The following OR51B5 variants were observed in gnomAD, a reference collection of about 807,000 sequenced individuals.
OR51B5 encodes the protein olfactory receptor family 51 subfamily B member 5.
For missense variants in OR51B5, 456 were observed against 374.6 expected (o/e 1.22, Z -1.79); for synonymous variants, 186 against 144.8 (o/e 1.28, Z -2.04).
intron 1 of OR51B5, among the ~76,000 whole-genome samples, chr11:5,376,560 C>CG (rs1363756329): frequency 6.6e-6 from 1 of 151,888 alleles, no homozygotes; most frequent in East Asian, 1.9e-4. Flanking sequence ...ACTGATAGAC[C>CG]GCTAGCAAGA....
At chr11:5,476,392 T>C (rs1304871855) in intron 1 of OR51B5, among the ~76,000 whole-genome samples, 1 of 152,192 alleles carries the variant, frequency 6.6e-6, no homozygotes, top group Non-Finnish European at 1.5e-5. Context: ...TCTTAGCTGT[T>C]ATGCTGTATG....
At chr11:5,444,221 T>A (rs1251893125) in intron 1 of OR51B5, among the ~76,000 whole-genome samples, 1 of 147,490 alleles carries the variant, frequency 6.8e-6, no homozygotes, top group African/African-American at 2.5e-5. Flanking sequence ...CAGCTAAGAT[T>A]GACAACTACA....
chr11:5,503,776 C>T (rs145289174), intron 1 of OR51B5, among the ~76,000 whole-genome samples: 16 of 151,770 alleles, frequency 1.1e-4, no homozygotes, highest in African/African-American at 3.4e-4. Context: ...TCGCAGGACT[C>T]GGGGGTAAAA....
chr11:5,352,516 T>C (rs2133688848), intron 1 of OR51B5: 1 of 941,302 alleles, frequency 1.1e-6, no homozygotes, highest in Non-Finnish European at 1.6e-6. Context: ...CCAGCATAAG[T>C]AACTAGGGAA....
intron 1 of OR51B5, chr11:5,430,917 G>A (rs553448284): frequency 2.2e-6 from 1 of 457,032 alleles, no homozygotes; most frequent in Admixed American, 2.3e-5. Context: ...CAGAAGCAAT[G>A]CCCATCACTG....
At chr11:5,405,843 A>C (rs1004568360) in intron 1 of OR51B5, among the ~76,000 whole-genome samples, 18 of 152,180 alleles carry the variant, frequency 1.2e-4, no homozygotes, top group African/African-American at 4.3e-4. Flanking sequence ...GTTGTCTATA[A>C]CCATACCCTA....
At chr11:5,430,796 C>T (rs1481861781) in intron 1 of OR51B5, 5 of 457,192 alleles carry the variant, frequency 1.1e-5, no homozygotes, top group Non-Finnish European at 2.2e-5. Context: ...ATGGGAGAAG[C>T]ATGTTTGGCA....
In OR51B5 at chr11:5,390,098, C is replaced by G. The variant is rs763543707; in HGVS notation, n.85-43188G>C. 6 of 1,613,670 alleles carry G rather than the reference C, an allele frequency of 3.7e-6. No homozygotes were observed. The Admixed American group carries it at 1.0e-4, about 27-fold the overall frequency. On this transcript the variant is annotated intron_variant and non_coding_transcript_variant, in intron 1 of 4. Coordinates refer to the OR51B5 transcript ENST00000415970. ...CATCGCACTGTCCTATGGACTCATC[C>G]TGCACACAGTAGCAGGCCTGGCCTC...
At chr11:5,382,547 C>A (rs566247616) in intron 1 of OR51B5, among the ~76,000 whole-genome samples, 1 of 152,170 alleles carries the variant, frequency 6.6e-6, no homozygotes, top group Non-Finnish European at 1.5e-5. Flanking sequence ...CTGTCCTTGG[C>A]TAGGATCCCA....
In OR51B5 at chr11:5,366,935, T is replaced by G. The variant is rs567395034; in HGVS notation, n.85-20025A>C. 9.2e-5 allele frequency among the ~76,000 whole-genome samples: 14 copies of G among 152,330 alleles called. No homozygotes were observed. In the East Asian group the frequency reaches 2.7e-3, roughly 29 times the overall value. On this transcript the variant is annotated intron_variant and non_coding_transcript_variant, in intron 1 of 4. Coordinates refer to the OR51B5 transcript ENST00000415970. Reference sequence around the variant, plus strand: ...CAAAGTTTTAGTCCCTGCCTGGACTTGGTGTCATCTCTTGAGCACATGCCT... The same window carrying G: ...CAAAGTTTTAGTCCCTGCCTGGACTGGGTGTCATCTCTTGAGCACATGCCT...
chr11:5,483,534 GA>G (rs1413567608), intron 1 of OR51B5, among the ~76,000 whole-genome samples: 2 of 137,782 alleles, frequency 1.5e-5, no homozygotes, highest in Admixed American at 7.4e-5. Context: ...GAAAAGAAAA[GA>G]AAGAGTAGAA....
chr11:5,488,207 G>A (rs1013518713), intron 1 of OR51B5, among the ~76,000 whole-genome samples: 2 of 152,088 alleles, frequency 1.3e-5, no homozygotes, highest in South Asian at 2.1e-4. Context: ...GTGGAAGTAG[G>A]AAAAATACAA....
In OR51B5 at chr11:5,494,230, G is replaced by A. The variant is rs558111087; in HGVS notation, n.84+11339C>T. 1.7e-3 allele frequency among the ~76,000 whole-genome samples: 261 copies of A among 152,274 alleles called. 1 individual carries two copies. The highest frequency in any genetic ancestry group is 0.01 in the Middle Eastern group (3 of 294). ...TGTGGCAAGAAATAACATTATTCCA[G>A]GTAACAATTATTCAGAACCACGTTT... On this transcript the variant is annotated intron_variant and non_coding_transcript_variant, in intron 1 of 4. Coordinates refer to the OR51B5 transcript ENST00000415970.
In OR51B5 at chr11:5,424,887, C is replaced by A. The variant is rs1215831146; in HGVS notation, n.85-77977G>T. Among the ~76,000 whole-genome samples the A allele has an allele frequency of 7.9e-5, 8 of 101,846 alleles. 3 individuals are homozygous for A. The highest frequency in any genetic ancestry group is 2.2e-5 in the Non-Finnish European group (1 of 44,800). The allele number at this position is 101,846 out of a possible 152,430, so 66.8% of individuals were successfully genotyped here. A position where few individuals can be genotyped will look rare whatever the true frequency, so the allele number is the denominator to read the frequency against. ...GTCCCAGCTACTCAGGAGGCTGAGGCAGGAGAATGGCGGGAACCCGGGAGG... is the reference window on the plus strand; with the variant it reads ...GTCCCAGCTACTCAGGAGGCTGAGGAAGGAGAATGGCGGGAACCCGGGAGG... On this transcript the variant is annotated intron_variant and non_coding_transcript_variant, in intron 1 of 4. Coordinates refer to the OR51B5 transcript ENST00000415970.
intron 1 of OR51B5, among the ~76,000 whole-genome samples, chr11:5,479,280 GAAATA>G (rs1365502823): frequency 6.7e-6 from 1 of 150,122 alleles, no homozygotes; most frequent in African/African-American, 2.5e-5. Flanking sequence ...AAGTGAAGGA[GAAATA>G]AAATACTTTA....
At chr11:5,410,045 TAAAATGAAA>T (rs890871072) in intron 1 of OR51B5, among the ~76,000 whole-genome samples, 7 of 152,144 alleles carry the variant, frequency 4.6e-5, no homozygotes, top group African/African-American at 1.7e-4. Flanking sequence ...AATATTCTTT[TAAAATGAAA>T]AAGTAAAGAA....
exon 1 of OR51B5, chr11:5,343,176 C>A (rs898726726): frequency 6.2e-7 from 1 of 1,613,620 alleles, no homozygotes. Context: ...CGGTCATAGG[C>A]CATGGCAAGC....
rs148621893 is a variant in OR51B5, at chr11:5,494,993, C to G, written n.84+10576G>C. ...AAAGTATGGTATCCAGAAAAACCTT[C>G]TGTCAGAAGGGACATTAGCAACATA... is the stretch of plus-strand genomic sequence containing the variant. On this transcript the variant is annotated intron_variant and non_coding_transcript_variant, in intron 1 of 4. Coordinates refer to the OR51B5 transcript ENST00000415970. Among the ~76,000 whole-genome samples the G allele has an allele frequency of 6.6e-3, 1,005 of 152,268 alleles. 11 individuals carry two copies. The highest frequency in any genetic ancestry group is 0.022 in the African/African-American group (924 of 41,550).
intron 1 of OR51B5, among the ~76,000 whole-genome samples, chr11:5,382,470 T>C (rs920592125): frequency 6.6e-6 from 1 of 152,220 alleles, no homozygotes; most frequent in Non-Finnish European, 1.5e-5. Context: ...TTATGTGTGA[T>C]AGATGCCCCT....
Sources: gnomAD v4.1 joint callset for allele counts (sites outside exome capture counted in the v4.1 genomes callset) on GRCh38, gnomAD v4.1.1 for gene constraint, MANE v1.5 for transcripts, NCBI Gene and HGNC (gene_info 2026-07-23, HGNC 2026-07-21) for gene names.